The following ANKRD50 variants were observed in gnomAD, a reference collection of about 807,000 sequenced individuals.
ANKRD50 encodes the protein ankyrin repeat domain-containing protein 50.
Under a neutral mutation model 112.0 loss-of-function variants are expected in ANKRD50, and 40 were observed. That is an observed-to-expected ratio of 0.36 (90% CI 0.28 to 0.46). ANKRD50 has a LOEUF of 0.46. ANKRD50 is among the 20% of genes least tolerant of loss of function. The pLI, the probability that ANKRD50 is intolerant of heterozygous loss-of-function variation, is 1.00. For synonymous variants in ANKRD50, 613 were observed against 619.1 expected (o/e 0.99, Z 0.15); for missense variants, 1,487 against 1,701.7 (o/e 0.87, Z 2.22).
chr4:124,709,883 A>G, intron 2 of ANKRD50, 117 bp downstream of exon 2: 2 of 1,394,480 alleles, frequency 1.4e-6, no homozygotes, highest in Non-Finnish European at 1.9e-6. Context: ...CTTCAGATTA[A>G]GGCCAAATGT....
At chr4:124,690,232 A>T (rs1725104543) in intron 2 of ANKRD50, among the ~76,000 whole-genome samples, 1 of 152,222 alleles carries the variant, frequency 6.6e-6, no homozygotes, top group South Asian at 2.1e-4. Flanking sequence ...CAGGAGTAAC[A>T]ATGAATACTC....
chr4:124,701,166 T>C (rs1725380744), intron 2 of ANKRD50, among the ~76,000 whole-genome samples: 1 of 152,182 alleles, frequency 6.6e-6, no homozygotes, highest in African/African-American at 2.4e-5. Context: ...TTTCTCCATG[T>C]TGGTCAGGCT....
chr4:124,668,932 G>C (rs1298703904), intron 4 of ANKRD50, 52 bp downstream of exon 4: 9 of 1,498,208 alleles, frequency 6.0e-6, no homozygotes, highest in Non-Finnish European at 8.1e-6. Context: ...AGCATTCCAA[G>C]TAGAGGGAAC....
chr4:124,678,538 T>C, intron 3 of ANKRD50, 138 bp downstream of exon 3: 2 of 746,052 alleles, frequency 2.7e-6, no homozygotes, highest in East Asian at 5.4e-5. Context: ...TTTATATAAA[T>C]TTCAAAACGC....
chr4:124,682,825 CCAGT>C (rs1230323289), intron 2 of ANKRD50, among the ~76,000 whole-genome samples: 14 of 151,430 alleles, frequency 9.2e-5, no homozygotes, highest in East Asian at 3.9e-4. Context: ...GTATTTTTAC[CCAGT>C]CAAATTCTAT....
At chr4:124,701,979 C>T (rs1225324051) in intron 2 of ANKRD50, among the ~76,000 whole-genome samples, 1 of 152,096 alleles carries the variant, frequency 6.6e-6, no homozygotes, top group Non-Finnish European at 1.5e-5. Flanking sequence ...CAAACAAAAG[C>T]TTCATATGTC....
intron 2 of ANKRD50, among the ~76,000 whole-genome samples, chr4:124,687,409 G>GTTTA (rs1172683517): frequency 1.2e-4 from 18 of 151,928 alleles, no homozygotes; most frequent in African/African-American, 4.1e-4. Context: ...ATAAACTTAA[G>GTTTA]TGTAAAACAT....
In ANKRD50 at chr4:124,669,177, T is replaced by C. The variant is rs1476477094; in HGVS notation, c.4100A>G (p.Tyr1367Cys). The stretch of plus-strand genomic sequence containing the variant: ...AAAAACCTGGTTGCTCTGAAGATGA[T>C]AATTTGGATTTGTCATTATTCCATT... ...KRNGIMTNPN[Y>C]HLQSNQVFLG... Residue 1367 changes from tyrosine (Y) to cysteine (C), a missense_variant, in exon 4 of 5, where the codon TAT (tyrosine) becomes TGT (cysteine). Coordinates refer to ENST00000504087, the MANE Select transcript of ANKRD50 (RefSeq NM_020337.3). The C allele has an allele frequency of 8.1e-6, 13 of 1,613,734 alleles. No individual in the cohort carries two copies. The highest frequency in any genetic ancestry group is 1.1e-5 in the Non-Finnish European group (13 of 1,179,786).
rs11947681 is a variant in ANKRD50, at chr4:124,668,871, A to T, written c.*3+113T>A. The T allele has an allele frequency of 3.6e-3, 3,378 of 949,040 alleles. 82 individuals carry two copies. In the African/African-American group the frequency reaches 0.05, roughly 14 times the overall value. The allele number at this position is 949,040 out of a possible 1,614,324, so 58.8% of individuals were successfully genotyped here. On this transcript the variant is annotated intron_variant, in intron 4 of 4. Coordinates refer to ENST00000504087, the MANE Select transcript of ANKRD50 (RefSeq NM_020337.3). ...TGATGAGGCAGGTCTGGCCCAGATG[A>T]CATCTGAGTAGAGATTAACTGAGGG...
chr4:124,666,392 CTA>C lies in ANKRD50; in HGVS notation c.*1124_*1125del, dbSNP rs1730492175. ...AGTAACAATAAAAAGTACACATGTG[CTA>C]TGATTGACAGGGGAGTGGTGTCATC... On this transcript the variant is annotated 3_prime_UTR_variant, in exon 5 of 5. Coordinates refer to ENST00000504087, the MANE Select transcript of ANKRD50 (RefSeq NM_020337.3). 6.6e-6 allele frequency: 1 copy of C among 152,366 alleles called. No individual in the cohort carries two copies. Among genetic ancestry groups the C allele is most frequent in the African/African-American group, 2.4e-5 (1 of 41,406 alleles). 9.4% of individuals were successfully genotyped at this position (152,366 alleles called of 1,614,324 possible).
At chr4:124,702,061 C>T (rs1725405351) in intron 2 of ANKRD50, among the ~76,000 whole-genome samples, 1 of 152,142 alleles carries the variant, frequency 6.6e-6, no homozygotes, top group South Asian at 2.1e-4. Flanking sequence ...TCCCTAGAAG[C>T]TTTAATATGT....
intron 2 of ANKRD50, among the ~76,000 whole-genome samples, chr4:124,685,319 GT>G (rs1724983993): frequency 6.6e-6 from 1 of 152,146 alleles, no homozygotes; most frequent in Non-Finnish European, 1.5e-5. Context: ...GATGGAAAAA[GT>G]TTTGTTACTT....
rs1047590243 is a variant in ANKRD50, at chr4:124,665,156, A to C, written c.*2362T>G. On this transcript the variant is annotated 3_prime_UTR_variant, in exon 5 of 5. Transcript: ENST00000504087. ...ATTAAATCCCCCACAGAAACAAATA[A>C]GCAAGGCAGGGCATCTCCAGCACCC... The C allele has an allele frequency of 1.3e-5, 2 of 152,102 alleles. No individual in the cohort carries two copies. The highest frequency in any genetic ancestry group is 2.9e-5 in the Non-Finnish European group (2 of 67,860). 9.4% of individuals were successfully genotyped at this position (152,102 alleles called of 1,614,324 possible).
In ANKRD50 at chr4:124,672,451, G is replaced by C. The variant is rs1198133279; in HGVS notation, c.826C>G (p.Gln276Glu). The C allele has an allele frequency of 1.2e-6, 2 of 1,612,200 alleles. No homozygotes were observed. Among genetic ancestry groups the C allele is most frequent in the East Asian group, 2.2e-5 (1 of 44,830 alleles). The change falls in exon 4 of 5, where the codon CAA (glutamine) becomes GAA (glutamate). Residue 276 changes from glutamine (Q) to glutamate (E), a missense_variant. Gln to Glu is a conservative substitution (Grantham distance 29, BLOSUM62 2). This residue lies in a region of ANKRD50 where 1,046 missense variants were observed against 1,269.5 expected (regional missense o/e 0.82). Coordinates refer to ENST00000504087, the MANE Select transcript of ANKRD50 (RefSeq NM_020337.3). ...VQQYILHRLD[Q>E]EEALRQHLTK... ...AGGTGTTGTCGCAAAGCTTCTTCTTGATCTAAACGATGAAGAATGTACTGC... is the reference window on the plus strand; with the variant it reads ...AGGTGTTGTCGCAAAGCTTCTTCTTCATCTAAACGATGAAGAATGTACTGC...
In ANKRD50 at chr4:124,671,213, T is replaced by C. The variant is rs140611722; in HGVS notation, c.2064A>G (p.Gly688=). Residue 688 remains glycine (G), a synonymous_variant, in exon 4 of 5, where the codon GGA becomes GGG. Transcript: ENST00000504087. ...RTALIAAAYM[G]HREIVEHLLD... ...GTAGGTGTTCCACAATCTCTCTATG[T>C]CCCATGTATGCTGCTGCTATCAAAG... 793 of 1,613,910 alleles carry C rather than the reference T, an allele frequency of 4.9e-4. 1 individual carries two copies. The highest frequency in any genetic ancestry group is 6.1e-4 in the Non-Finnish European group (718 of 1,179,854).
chr4:124,691,524 A>T (rs1257213376), intron 2 of ANKRD50, among the ~76,000 whole-genome samples: 1 of 148,820 alleles, frequency 6.7e-6, no homozygotes, highest in South Asian at 2.1e-4. Context: ...AAAAAAAAAA[A>T]GGAGAACAGT....
At chr4:124,704,382 G>A (rs1341115527) in intron 2 of ANKRD50, among the ~76,000 whole-genome samples, 3 of 152,106 alleles carry the variant, frequency 2.0e-5, no homozygotes, top group Non-Finnish European at 4.4e-5. Context: ...TCTGTTCTTC[G>A]CCTCTTTGTT....
chr4:124,694,116 C>G (rs935905798), intron 2 of ANKRD50, among the ~76,000 whole-genome samples: 3 of 152,072 alleles, frequency 2.0e-5, no homozygotes, highest in African/African-American at 4.8e-5. Context: ...CAGGAAAAAA[C>G]AACAACAACC....
At chr4:124,707,784 GCTT>G (rs1725538694) in intron 2 of ANKRD50, among the ~76,000 whole-genome samples, 1 of 152,048 alleles carries the variant, frequency 6.6e-6, no homozygotes, top group African/African-American at 2.4e-5. Context: ...AGCTCTAATT[GCTT>G]CTTCTTCCTC....
Sources: gnomAD v4.1 joint callset for allele counts (sites outside exome capture counted in the v4.1 genomes callset) on GRCh38, gnomAD v4.1.1 for gene constraint, gnomAD v4.1.1 regional missense constraint, MANE v1.5 for transcripts, NCBI Gene and HGNC (gene_info 2026-07-23, HGNC 2026-07-21) for gene names.